The following SLC8A1 variants were observed in gnomAD, a reference collection of about 807,000 sequenced individuals.
The protein encoded by SLC8A1 is solute carrier family 8 member A1, also known as sodium/calcium exchanger 1.
In SLC8A1, 18 loss-of-function variants were observed where a neutral mutation model predicts 68.3. The ratio of observed to expected loss-of-function variants is 0.26; its 90% confidence interval spans 0.18 to 0.39. SLC8A1 has a LOEUF of 0.39. Ranked by LOEUF, SLC8A1 falls within the 10% of genes least tolerant of loss-of-function variation. SLC8A1 has a pLI of 1.00. For synonymous variants in SLC8A1, 475 were observed against 415.5 expected (o/e 1.14, Z -1.74); for missense variants, 985 against 1,156.7 (o/e 0.85, Z 2.15).
chr2:40,290,416 T>C (rs1165996905), intron 2 of SLC8A1, among the ~76,000 whole-genome samples: 1 of 152,154 alleles, frequency 6.6e-6, no homozygotes, highest in Non-Finnish European at 1.5e-5. Context: ...CACAACAATT[T>C]ATTCATCCCC....
intron 2 of SLC8A1, among the ~76,000 whole-genome samples, chr2:40,416,190 A>T (rs1417861453): frequency 1.3e-5 from 2 of 152,044 alleles, no homozygotes; most frequent in Non-Finnish European, 2.9e-5. Flanking sequence ...TCTTTTACTC[A>T]CAAAAGTGCT....
At chr2:40,244,877 AAG>A (rs1335150056) in intron 2 of SLC8A1, among the ~76,000 whole-genome samples, 2 of 152,104 alleles carry the variant, frequency 1.3e-5, no homozygotes, top group African/African-American at 2.4e-5. Flanking sequence ...GGGTTTAACA[AAG>A]AGAAGGAATG....
chr2:40,444,611 A>T (rs1701095211), intron 1 of SLC8A1, among the ~76,000 whole-genome samples: 1 of 152,220 alleles, frequency 6.6e-6, no homozygotes, highest in Non-Finnish European at 1.5e-5. Flanking sequence ...ACTATGGTTA[A>T]TGGGACATAG....
intron 2 of SLC8A1, among the ~76,000 whole-genome samples, chr2:40,249,126 T>C (rs553659182): frequency 3.9e-5 from 6 of 152,300 alleles, no homozygotes; most frequent in African/African-American, 9.6e-5. Flanking sequence ...ATCAAGTTCA[T>C]TGATTAAGCT....
intron 2 of SLC8A1, among the ~76,000 whole-genome samples, chr2:40,253,047 GTATATATGTACATGTATATAC>G (rs2063158487): frequency 1.4e-5 from 1 of 69,456 alleles, no homozygotes; most frequent in Admixed American, 1.9e-4. Context: ...ATCAGTATAT[GTATATATGTACATGTATATAC>G]TATATATGTG....
At chr2:40,173,918 G>C (rs2047997108) in intron 4 of SLC8A1, among the ~76,000 whole-genome samples, 1 of 152,196 alleles carries the variant, frequency 6.6e-6, no homozygotes, top group Non-Finnish European at 1.5e-5. Flanking sequence ...AGAGACAACA[G>C]AGGATGCTGT....
chr2:40,390,039 G>C (rs938585136), intron 2 of SLC8A1, among the ~76,000 whole-genome samples: 5 of 151,576 alleles, frequency 3.3e-5, no homozygotes, highest in Non-Finnish European at 7.4e-5. Context: ...TTTTTCTAAT[G>C]GCTGTATAAT....
chr2:40,365,265 G>T (rs1021694917), intron 2 of SLC8A1, among the ~76,000 whole-genome samples: 1 of 151,488 alleles, frequency 6.6e-6, no homozygotes, highest in Non-Finnish European at 1.5e-5. Context: ...TTCTACCATA[G>T]AATTTGGTGG....
intron 2 of SLC8A1, among the ~76,000 whole-genome samples, chr2:40,404,157 G>T (rs1043189154): frequency 6.6e-5 from 10 of 152,174 alleles, no homozygotes; most frequent in Non-Finnish European, 1.0e-4. Flanking sequence ...AGCCTCCAAA[G>T]TACTGAGGAT....
exon 8 of SLC8A1, chr2:40,102,889 G>C (rs2033980754): frequency 6.6e-6 from 1 of 152,098 alleles, no homozygotes; most frequent in Non-Finnish European, 1.5e-5. Flanking sequence ...GCTCTATATA[G>C]AAATTTATAA....
chr2:40,442,943 T>C (rs1049244799), intron 1 of SLC8A1, among the ~76,000 whole-genome samples: 1 of 152,182 alleles, frequency 6.6e-6, no homozygotes, highest in Non-Finnish European at 1.5e-5. Context: ...AGTGAGATCA[T>C]GTCCTCTGCA....
chr2:40,230,875 C>T (rs1202247288), intron 2 of SLC8A1, among the ~76,000 whole-genome samples: 1 of 152,206 alleles, frequency 6.6e-6, no homozygotes, highest in Non-Finnish European at 1.5e-5. Context: ...GAGTTCTCCA[C>T]ATGCAGATGT....
At chr2:40,375,058 G>T (rs992751946) in intron 2 of SLC8A1, among the ~76,000 whole-genome samples, 2 of 151,974 alleles carry the variant, frequency 1.3e-5, no homozygotes, top group Admixed American at 1.3e-4. Context: ...AATCAGTCGG[G>T]AGAACAGCCC....
At chr2:40,405,578 A>C (rs1209059562) in intron 2 of SLC8A1, among the ~76,000 whole-genome samples, 1 of 152,108 alleles carries the variant, frequency 6.6e-6, no homozygotes, top group African/African-American at 2.4e-5. Flanking sequence ...TGCACTTCAC[A>C]TTTTTACTTT....
Position 40,224,083 on chromosome 2 carries a change from C to T in SLC8A1, c.1809-46228G>A, listed in dbSNP as rs1000411157. Among the ~76,000 whole-genome samples, 5 of 152,120 alleles carry T rather than the reference C, an allele frequency of 3.3e-5. No homozygotes were observed. The South Asian group carries it at 1.0e-3, about 32-fold the overall frequency. On this transcript the variant is annotated intron_variant, in intron 2 of 7. Coordinates refer to ENST00000406785, the Ensembl canonical transcript of SLC8A1. ...ACTGTATTAAAAGGCCTGGAATGTTCGCTTCGTAGGGACTCATACATGATG... is the reference window on the plus strand; with the variant it reads ...ACTGTATTAAAAGGCCTGGAATGTTTGCTTCGTAGGGACTCATACATGATG...
intron 2 of SLC8A1, among the ~76,000 whole-genome samples, chr2:40,224,688 G>A (rs1382987073): frequency 1.3e-5 from 2 of 152,154 alleles, no homozygotes; most frequent in African/African-American, 2.4e-5. Flanking sequence ...CTGCACAAGT[G>A]ATTCTGAATT....
intron 2 of SLC8A1, among the ~76,000 whole-genome samples, chr2:40,228,700 A>G (rs963702349): frequency 6.6e-6 from 1 of 152,162 alleles, no homozygotes; most frequent in Non-Finnish European, 1.5e-5. Flanking sequence ...ATCTGCTGCC[A>G]TCTATGTTGA....
intron 2 of SLC8A1, among the ~76,000 whole-genome samples, chr2:40,360,229 A>T (rs1169992223): frequency 6.6e-6 from 1 of 152,168 alleles, no homozygotes; most frequent in Non-Finnish European, 1.5e-5. Flanking sequence ...TGTCCAGCAT[A>T]TGCTAGGCAC....
intron 2 of SLC8A1, among the ~76,000 whole-genome samples, chr2:40,238,179 C>A (rs1275617628): frequency 6.6e-6 from 1 of 152,166 alleles, no homozygotes; most frequent in Non-Finnish European, 1.5e-5. Context: ...CAAGCCTGGG[C>A]AATGGCGGGC....
Sources: allele counts gnomAD v4.1 joint callset (sites outside exome capture counted in the v4.1 genomes callset), GRCh38; gene constraint gnomAD v4.1.1; transcripts MANE v1.5; gene names NCBI Gene and HGNC (gene_info 2026-07-23, HGNC 2026-07-21).